The following GLYATL2 variants were observed in gnomAD, a reference collection of about 807,000 sequenced individuals.
GLYATL2 encodes the protein glycine N-acyltransferase-like protein 2.
A neutral mutation model predicts 21.4 loss-of-function variants in GLYATL2; 25 were observed. The ratio of observed to expected loss-of-function variants is 1.17; its 90% CI spans 0.85 to 1.63. The LOEUF (loss-of-function observed/expected upper bound fraction) is 1.63, where lower values mean the gene tolerates loss of function less well. Among genes scored for constraint, GLYATL2 ranks in the 40% most tolerant of loss-of-function variants. The pLI is 0.00. For missense variants in GLYATL2, 361 were observed against 343.3 expected (o/e 1.05, Z -0.41); for synonymous variants, 114 against 118.2 (o/e 0.96, Z 0.23).
intron 1 of GLYATL2, among the ~76,000 whole-genome samples, chr11:58,863,028 G>C (rs1277610458): frequency 1.3e-5 from 2 of 152,212 alleles, no homozygotes; most frequent in Admixed American, 6.5e-5. Context: ...TGTTGCTGAA[G>C]TCTTCAGGCA....
At chr11:58,842,016 C>A (rs960020699) in intron 1 of GLYATL2, among the ~76,000 whole-genome samples, 1 of 152,126 alleles carries the variant, frequency 6.6e-6, no homozygotes, top group Non-Finnish European at 1.5e-5. Context: ...AAAGGCATTT[C>A]TCTTATTAGA....
chr11:58,907,366 C>T (rs1018400035), upstream of GLYATL2: 10 of 456,206 alleles, frequency 2.2e-5, no homozygotes, highest in Admixed American at 1.6e-4. Context: ...CCTGGAATCC[C>T]TCACGGTAGT....
chr11:58,860,069 C>T (rs1853904519), intron 1 of GLYATL2, among the ~76,000 whole-genome samples: 1 of 151,996 alleles, frequency 6.6e-6, no homozygotes, highest in African/African-American at 2.4e-5. Context: ...CAGCTTTGTT[C>T]TTGTTGCTTA....
At chr11:58,907,297 T>C (rs1285404028), upstream of GLYATL2, 3 of 456,190 alleles carry the variant, frequency 6.6e-6, no homozygotes, top group African/African-American at 6.0e-5. Flanking sequence ...CTCAGCTTTG[T>C]CTTCTGAAAT....
At chr11:58,852,619 C>T (rs1285394355) in intron 1 of GLYATL2, among the ~76,000 whole-genome samples, 4 of 152,098 alleles carry the variant, frequency 2.6e-5, no homozygotes, top group Non-Finnish European at 5.9e-5. Context: ...TGAAAATAGC[C>T]GATCCAGGAT....
upstream of GLYATL2, among the ~76,000 whole-genome samples, chr11:58,846,623 G>T (rs1853649621): frequency 6.6e-6 from 1 of 152,150 alleles, no homozygotes; most frequent in Admixed American, 6.5e-5. Flanking sequence ...GCCCATGGAG[G>T]CAGAGGGAGC....
chr11:58,908,279 A>G (rs1854955581), upstream of GLYATL2: 1 of 152,284 alleles, frequency 6.6e-6, no homozygotes, highest in Non-Finnish European at 1.5e-5. Context: ...GGGTTACCGC[A>G]TATGATTTTC....
intron 1 of GLYATL2, among the ~76,000 whole-genome samples, chr11:58,875,625 T>G (rs1470238285): frequency 6.6e-6 from 1 of 152,206 alleles, no homozygotes; most frequent in Non-Finnish European, 1.5e-5. Flanking sequence ...GCCCCCACTC[T>G]CTTCTGGCTT....
At chr11:58,896,654 T>C (rs1013085121) in intron 1 of GLYATL2, among the ~76,000 whole-genome samples, 3 of 152,208 alleles carry the variant, frequency 2.0e-5, no homozygotes, top group Non-Finnish European at 4.4e-5. Context: ...GACGGGTTTA[T>C]TAGAGAGGCT....
chr11:58,838,232 C>G, intron 3 of GLYATL2, 29 bp downstream of exon 3: 1 of 1,409,202 alleles, frequency 7.1e-7, no homozygotes, highest in Non-Finnish European at 1.0e-6. Flanking sequence ...AGAGTGACTA[C>G]CCTCATATTC....
intron 3 of GLYATL2, among the ~76,000 whole-genome samples, 197 bp downstream of exon 3, chr11:58,838,064 T>A (rs754790246): frequency 5.3e-5 from 8 of 152,192 alleles, no homozygotes; most frequent in African/African-American, 7.2e-5. Flanking sequence ...TTACACATCC[T>A]GGATTACTGA....
At position 58,873,619 on chromosome 11, in the gene GLYATL2, C is replaced by A. The variant is rs548255138; in HGVS notation, n.60+30537G>T. 2.2e-4 allele frequency among the ~76,000 whole-genome samples: 34 copies of A among 152,314 alleles called. 1 individual carries two copies. The highest frequency in any genetic ancestry group is 5.9e-4 in the Admixed American group (9 of 15,300). On this transcript the variant is annotated intron_variant and non_coding_transcript_variant, in intron 1 of 4. Transcript: ENST00000533636. ...ATTTGAGTATGTTGAACCAGCCTTG[C>A]ATCCCAGGGATGAAGCCCACTTGAT...
chr11:58,835,378 A>G (rs528468412), intron 5 of GLYATL2, among the ~76,000 whole-genome samples: 1 of 152,254 alleles, frequency 6.6e-6, no homozygotes, highest in Non-Finnish European at 1.5e-5. Flanking sequence ...AAGAAGCTGC[A>G]ATATAAGAAA....
At chr11:58,900,847 G>A (rs188559970) in intron 1 of GLYATL2, among the ~76,000 whole-genome samples, 2 of 150,798 alleles carry the variant, frequency 1.3e-5, no homozygotes, top group East Asian at 1.9e-4. Flanking sequence ...GGCTTTCATT[G>A]ATGTCAACCC....
intron 1 of GLYATL2, among the ~76,000 whole-genome samples, chr11:58,878,003 G>C (rs1184987796): frequency 6.6e-6 from 1 of 152,174 alleles, no homozygotes; most frequent in African/African-American, 2.4e-5. Flanking sequence ...TTCAACCACT[G>C]ATAGACTGCT....
chr11:58,839,322 A>G (rs1170795360), intron 2 of GLYATL2, among the ~76,000 whole-genome samples: 2 of 152,188 alleles, frequency 1.3e-5, no homozygotes, highest in African/African-American at 4.8e-5. Context: ...AAGTACACCA[A>G]AGATAGCAGA....
intron 1 of GLYATL2, among the ~76,000 whole-genome samples, chr11:58,858,220 G>T (rs1475528066): frequency 1.3e-5 from 2 of 152,132 alleles, no homozygotes; most frequent in African/African-American, 2.4e-5. Context: ...TAAGTTCCTT[G>T]AGTGCTTCCT....
intron 1 of GLYATL2, among the ~76,000 whole-genome samples, chr11:58,864,091 C>G (rs1407068883): frequency 6.6e-6 from 1 of 152,132 alleles, no homozygotes; most frequent in African/African-American, 2.4e-5. Context: ...TAGTCTGGCA[C>G]CTAGGGTGGA....
chr11:58,871,395 T>C (rs564746432), intron 1 of GLYATL2, among the ~76,000 whole-genome samples: 41 of 152,082 alleles, frequency 2.7e-4, no homozygotes, highest in African/African-American at 8.0e-4. Flanking sequence ...TAACTCATCA[T>C]TTAGCATTAG....
Sources: gnomAD v4.1 joint callset for allele counts (sites outside exome capture counted in the v4.1 genomes callset) on GRCh38, gnomAD v4.1.1 for gene constraint, MANE v1.5 for transcripts, NCBI Gene and HGNC (gene_info 2026-07-23, HGNC 2026-07-21) for gene names.